Variants in GPATCH8 observed in about 807,000 individuals in gnomAD.
The protein encoded by GPATCH8 is G-patch domain containing 8.
GPATCH8 carries 18 observed loss-of-function variants against 118.3 expected under a neutral mutation model. The observed-to-expected ratio is 0.15, with a 90% CI of 0.11 to 0.23. GPATCH8 has a LOEUF of 0.23. GPATCH8 is among the 10% of genes least tolerant of loss of function. GPATCH8 has a pLI of 1.00. For missense variants in GPATCH8, 1,631 were observed against 1,873.8 expected (o/e 0.87, Z 2.39); for synonymous variants, 659 against 684.7 (o/e 0.96, Z 0.59).
At chr17:44,456,301 A>G (rs1429853415) in intron 3 of GPATCH8, among the ~76,000 whole-genome samples, 1 of 152,076 alleles carries the variant, frequency 6.6e-6, no homozygotes, top group Non-Finnish European at 1.5e-5. Context: ...ATTTCTGTTA[A>G]GATGAGGTCT....
intron 1 of GPATCH8, among the ~76,000 whole-genome samples, chr17:44,481,666 C>T (rs1315445708): frequency 6.6e-6 from 1 of 152,150 alleles, no homozygotes; most frequent in Non-Finnish European, 1.5e-5. Context: ...GCGAATTTCA[C>T]TGTATCTTAA....
intron 3 of GPATCH8, among the ~76,000 whole-genome samples, chr17:44,458,853 T>C (rs2051441104): frequency 6.6e-6 from 1 of 152,186 alleles, no homozygotes; most frequent in African/African-American, 2.4e-5. Context: ...GCTTCTAAGT[T>C]TTGGGTTATG....
intron 1 of GPATCH8, among the ~76,000 whole-genome samples, chr17:44,500,577 G>A (rs1969981951): frequency 6.6e-6 from 1 of 152,136 alleles, no homozygotes; most frequent in African/African-American, 2.4e-5. Context: ...ATAATTTCAA[G>A]AGACATCAAA....
intron 3 of GPATCH8, among the ~76,000 whole-genome samples, chr17:44,443,970 G>A (rs555565189): frequency 3.9e-5 from 6 of 152,194 alleles, no homozygotes; most frequent in African/African-American, 1.4e-4. Flanking sequence ...CATGGTGCCT[G>A]GCCAATTTGA....
chr17:44,444,265 A>AC (rs1231955155), intron 3 of GPATCH8, among the ~76,000 whole-genome samples: 1 of 150,834 alleles, frequency 6.6e-6, no homozygotes, highest in African/African-American at 2.4e-5. Context: ...AAAAAAAAAA[A>AC]ACCTAAAGAA....
intron 3 of GPATCH8, 40 bp downstream of exon 3, chr17:44,464,432 T>C (rs1257602477): frequency 1.8e-6 from 2 of 1,130,808 alleles, no homozygotes; most frequent in African/African-American, 1.5e-5. Context: ...GCATCAGAAA[T>C]GGTTTTCTTC....
intron 7 of GPATCH8, among the ~76,000 whole-genome samples, chr17:44,402,054 G>A (rs2049045611): frequency 1.3e-5 from 2 of 150,602 alleles, no homozygotes; most frequent in African/African-American, 4.9e-5. Context: ...GGGCGCAGTG[G>A]CTCACGCCTG....
chr17:44,478,998 A>G (rs757340978), intron 1 of GPATCH8, among the ~76,000 whole-genome samples: 1 of 152,202 alleles, frequency 6.6e-6, no homozygotes, highest in Non-Finnish European at 1.5e-5. Context: ...GGCCTAAGCC[A>G]TCAAGCCTGG....
chr17:44,414,103 GTGTATATATATA>G lies in GPATCH8; in HGVS notation c.493-8064_493-8053del, dbSNP rs1393336574. On this transcript the variant is annotated intron_variant, in intron 6 of 7. Transcript: ENST00000591680. ...TATGTGTGTGTATATATATATATGT[GTGTATATATATA>G]TGTATATATATGTGTATATATATAT... Among the ~76,000 whole-genome samples, 26 of 119,812 alleles carry G rather than the reference GTGTATATATATA, an allele frequency of 2.2e-4. 1 individual carries two copies. In the East Asian group the frequency reaches 3.1e-3, roughly 14 times the overall value. 78.6% of individuals were successfully genotyped at this position (119,812 alleles called of 152,430 possible).
intron 6 of GPATCH8, among the ~76,000 whole-genome samples, chr17:44,416,360 A>G (rs1400337585): frequency 1.3e-5 from 2 of 152,144 alleles, no homozygotes; most frequent in African/African-American, 4.8e-5. Context: ...GCTGGGTATA[A>G]TAAGTTTACT....
chr17:44,424,358 T>G lies in GPATCH8; in HGVS notation c.483A>C (p.Ala161=). Residue 161 remains alanine, a synonymous_variant, in exon 6 of 8, where the codon GCA becomes GCC. Transcript: ENST00000591680. ...FDNHINSYDH[A]HKQRLKDLKQ... Reference sequence around the variant, plus strand: ...AGTAACTACAACTCACCTGCTTGTGTGCATGATCATAGGAGTTGATATGGT... The same window carrying G: ...AGTAACTACAACTCACCTGCTTGTGGGCATGATCATAGGAGTTGATATGGT... 1 of 1,597,842 alleles carries G rather than the reference T, an allele frequency of 6.3e-7. No individual in the cohort carries two copies. The highest frequency in any genetic ancestry group is 8.6e-7 in the Non-Finnish European group (1 of 1,165,062).
intron 1 of GPATCH8, chr17:44,486,839 T>A (rs1279015556): frequency 6.6e-6 from 1 of 152,230 alleles, no homozygotes; most frequent in Non-Finnish European, 1.5e-5. Flanking sequence ...ATACTGAATA[T>A]GAGTTTATTG....
chr17:44,468,180 C>T (rs1185606562), intron 2 of GPATCH8, among the ~76,000 whole-genome samples: 2 of 151,580 alleles, frequency 1.3e-5, no homozygotes, highest in Non-Finnish European at 2.9e-5. Flanking sequence ...ACCACGTTGG[C>T]CAGGCTGGTC....
chr17:44,428,184 G>A (rs766389160), intron 5 of GPATCH8, among the ~76,000 whole-genome samples: 27 of 151,578 alleles, frequency 1.8e-4, no homozygotes, highest in Non-Finnish European at 3.5e-4. Flanking sequence ...TTGGAAGGCT[G>A]GGGAAGTCCT....
intron 6 of GPATCH8, among the ~76,000 whole-genome samples, chr17:44,407,894 T>G (rs1376488361): frequency 6.6e-6 from 1 of 152,124 alleles, no homozygotes; most frequent in African/African-American, 2.4e-5. Context: ...TGGTCTCAAG[T>G]GATCTACCTG....
chr17:44,427,068 A>T (rs1243555831), intron 5 of GPATCH8, among the ~76,000 whole-genome samples: 1 of 151,930 alleles, frequency 6.6e-6, no homozygotes, highest in African/African-American at 2.4e-5. Context: ...TAATTGCCTA[A>T]ATTAATATTA....
chr17:44,494,489 G>A (rs1024530268), intron 1 of GPATCH8, among the ~76,000 whole-genome samples: 2 of 152,150 alleles, frequency 1.3e-5, no homozygotes, highest in Non-Finnish European at 2.9e-5. Flanking sequence ...CTACTTGGGA[G>A]GCTGAGGCAG....
At chr17:44,500,653 TA>T (rs1969988249) in intron 1 of GPATCH8, among the ~76,000 whole-genome samples, 3 of 152,212 alleles carry the variant, frequency 2.0e-5, no homozygotes, top group Non-Finnish European at 4.4e-5. Flanking sequence ...ATCATCCTGC[TA>T]AATTAAAGGC....
intron 6 of GPATCH8, among the ~76,000 whole-genome samples, chr17:44,413,485 TTCTTTTTTTTCCTTGAGACAGAG>T (rs1474825614): frequency 6.6e-6 from 1 of 151,770 alleles, no homozygotes; most frequent in Non-Finnish European, 1.5e-5. Context: ...CCAACCCAAA[TTCTTTTTTTTCCTTGAGACAGAG>T]TCTCACTCTG....
Sources: gnomAD v4.1 joint callset for allele counts (sites outside exome capture counted in the v4.1 genomes callset) on GRCh38, gnomAD v4.1.1 for gene constraint, MANE v1.5 for transcripts, NCBI Gene and HGNC (gene_info 2026-07-23, HGNC 2026-07-21) for gene names.